GRIK2: variants seen among roughly 807,000 people sequenced by gnomAD.
GRIK2 encodes the protein glutamate receptor ionotropic, kainate 2.
In GRIK2, 32 loss-of-function variants were observed where a neutral mutation model predicts 100.3. The observed-to-expected ratio is 0.32, with a 90% CI of 0.24 to 0.43. The LOEUF is 0.43. Ranked by LOEUF, GRIK2 falls within the 20% of genes least tolerant of loss-of-function variation. GRIK2 has a pLI of 1.00. For synonymous variants in GRIK2, 417 were observed against 389.4 expected (o/e 1.07, Z -0.83); for missense variants, 843 against 1,114.9 (o/e 0.76, Z 3.47).
intron 14 of GRIK2, 148 bp from the exon 15 acceptor site, chr6:102,035,193 G>GTATATA (rs139440547): frequency 0.087 from 18,934 of 216,636 alleles, 1,023 homozygotes; most frequent in African/African-American, 0.14. Flanking sequence ...GACTTTTTTG[G>GTATATA]TATATATATA....
chr6:101,596,936 A>C (rs1186465635), intron 2 of GRIK2, among the ~76,000 whole-genome samples: 3 of 151,902 alleles, frequency 2.0e-5, no homozygotes, highest in Non-Finnish European at 4.4e-5. Flanking sequence ...AGACACATGC[A>C]CTTATATGTT....
intron 2 of GRIK2, among the ~76,000 whole-genome samples, chr6:101,461,812 A>C (rs1771321846): frequency 6.6e-6 from 1 of 152,194 alleles, no homozygotes; most frequent in South Asian, 2.1e-4. Context: ...AGTTGGGTTA[A>C]ATTGGGATAA....
At position 101,862,832 on chromosome 6, in the gene GRIK2, T is replaced by G. The variant is rs557044976; in HGVS notation, c.1524+3339T>G. 5.3e-5 allele frequency among the ~76,000 whole-genome samples: 8 copies of G among 152,266 alleles called. No individual in the cohort carries two copies. The South Asian group carries it at 1.7e-3, about 32-fold the overall frequency. ...AGAAAAAATATGGAAGCAAACAATCTATTTTGTTTTTCCTTTATGTACTAA... is the reference window on the plus strand; with the variant it reads ...AGAAAAAATATGGAAGCAAACAATCGATTTTGTTTTTCCTTTATGTACTAA... On this transcript the variant is annotated intron_variant, in intron 11 of 16. Transcript: ENST00000369134.
At position 101,488,199 on chromosome 6, in the gene GRIK2, G is replaced by T. The variant is rs1438161932; in HGVS notation, c.115+88807G>T. On this transcript the variant is annotated intron_variant, in intron 2 of 16. Coordinates refer to ENST00000369134, the MANE Select transcript of GRIK2 (RefSeq NM_021956.5). ...TGCCTTTATTTAACCAAATTATTCTGTCTTGTTTAACTGTTATTAAAGAAT... is the reference window on the plus strand; with the variant it reads ...TGCCTTTATTTAACCAAATTATTCTTTCTTGTTTAACTGTTATTAAAGAAT... Among the ~76,000 whole-genome samples, 3 of 146,154 alleles carry T rather than the reference G, an allele frequency of 2.1e-5. 1 individual carries two copies. The highest frequency in any genetic ancestry group is 7.8e-5 in the African/African-American group (3 of 38,370).
intron 7 of GRIK2, among the ~76,000 whole-genome samples, chr6:101,704,749 T>A (rs2128354778): frequency 6.6e-6 from 1 of 151,372 alleles, no homozygotes; most frequent in African/African-American, 2.4e-5. Flanking sequence ...AAATGTGGAA[T>A]TTTTAAATAT....
intron 2 of GRIK2, among the ~76,000 whole-genome samples, chr6:101,556,365 C>T (rs1392469341): frequency 1.1e-4 from 5 of 47,454 alleles, no homozygotes; most frequent in Admixed American, 2.6e-4. Context: ...GACCGAGTCT[C>T]GCTCTGTCGC....
chr6:101,514,304 G>T (rs1348558257), intron 2 of GRIK2, among the ~76,000 whole-genome samples: 1 of 151,974 alleles, frequency 6.6e-6, no homozygotes, highest in Admixed American at 6.6e-5. Flanking sequence ...CAGGGTTCTT[G>T]GTCCTCATGC....
In GRIK2 at chr6:101,963,188, T is replaced by G. The variant is rs559288317; in HGVS notation, c.2085+34556T>G. ...TAACATTTTAATTTAATGATTTTTC[T>G]TTGTATTTTTTGTTATTTTCTTTGT... On this transcript the variant is annotated intron_variant, in intron 14 of 16. Transcript: ENST00000369134. Among the ~76,000 whole-genome samples the G allele has an allele frequency of 2.0e-3, 309 of 151,060 alleles. 1 individual carries two copies. The highest frequency in any genetic ancestry group is 7.3e-3 in the African/African-American group (301 of 41,392).
At chr6:101,630,035 G>A (rs1780651869) in intron 4 of GRIK2, among the ~76,000 whole-genome samples, 1 of 152,098 alleles carries the variant, frequency 6.6e-6, no homozygotes, top group African/African-American at 2.4e-5. Flanking sequence ...TTGCTGCAAA[G>A]AACATAATTT....
intron 7 of GRIK2, among the ~76,000 whole-genome samples, chr6:101,722,038 G>A (rs998653960): frequency 1.3e-5 from 2 of 151,924 alleles, no homozygotes; most frequent in African/African-American, 4.8e-5. Context: ...AAAGGGGGAA[G>A]GAGTAATGAA....
chr6:101,922,555 C>G (rs928030015), intron 12 of GRIK2, among the ~76,000 whole-genome samples: 4 of 152,166 alleles, frequency 2.6e-5, no homozygotes, highest in African/African-American at 9.7e-5. Flanking sequence ...GTCATAGCAT[C>G]TAATAATATT....
chr6:101,688,528 A>T (rs1771869861), intron 7 of GRIK2, among the ~76,000 whole-genome samples: 1 of 152,016 alleles, frequency 6.6e-6, no homozygotes, highest in African/African-American at 2.4e-5. Flanking sequence ...ACAATATGGA[A>T]AAAGAGAGAG....
At chr6:101,623,923 AT>A (rs926587156) in intron 3 of GRIK2, among the ~76,000 whole-genome samples, 2 of 151,882 alleles carry the variant, frequency 1.3e-5, no homozygotes, top group African/African-American at 4.8e-5. Context: ...CAGAGCCAAT[AT>A]TTTTTTAACT....
At chr6:101,565,907 T>A (rs547705776) in intron 2 of GRIK2, among the ~76,000 whole-genome samples, 169 of 133,998 alleles carry the variant, frequency 1.3e-3, no homozygotes, top group South Asian at 3.7e-3. Context: ...TATCTTTATA[T>A]ACCTATTTTA....
intron 12 of GRIK2, among the ~76,000 whole-genome samples, chr6:101,909,706 A>T (rs1374883232): frequency 6.7e-6 from 1 of 148,342 alleles, no homozygotes; most frequent in Non-Finnish European, 1.5e-5. Context: ...TAATGTGTGT[A>T]TGTGTGTAAG....
At chr6:101,827,151 G>A (rs1782386654) in intron 10 of GRIK2, among the ~76,000 whole-genome samples, 2 of 151,972 alleles carry the variant, frequency 1.3e-5, no homozygotes, top group South Asian at 4.1e-4. Flanking sequence ...ATTCTCTAAA[G>A]TTATGTTTCT....
At chr6:101,763,665 T>C (rs1169480949) in intron 7 of GRIK2, among the ~76,000 whole-genome samples, 1 of 152,158 alleles carries the variant, frequency 6.6e-6, no homozygotes, top group South Asian at 2.1e-4. Context: ...ATAGTATAAA[T>C]CTTTTATGAA....
intron 14 of GRIK2, among the ~76,000 whole-genome samples, chr6:101,949,199 A>ATT (rs747370673): frequency 3.0e-5 from 4 of 135,092 alleles, no homozygotes; most frequent in African/African-American, 1.3e-4. Context: ...TGTTTTTGCG[A>ATT]TTTTTTTTTT....
chr6:101,714,325 A>G (rs1773917704), intron 7 of GRIK2, among the ~76,000 whole-genome samples: 1 of 151,712 alleles, frequency 6.6e-6, no homozygotes, highest in African/African-American at 2.4e-5. Context: ...GACTTTTGTG[A>G]TCTTTTATTT....
Sources: gnomAD v4.1 joint callset for allele counts (sites outside exome capture counted in the v4.1 genomes callset) on GRCh38, gnomAD v4.1.1 for gene constraint, MANE v1.5 for transcripts, NCBI Gene and HGNC (gene_info 2026-07-23, HGNC 2026-07-21) for gene names.